Variants in FARP2 observed in about 807,000 individuals in gnomAD.
The protein encoded by FARP2 is FERM, ARHGEF and pleckstrin domain-containing protein 2.
In FARP2, 111 loss-of-function variants were observed where a neutral mutation model predicts 130.5. That is an observed-to-expected ratio of 0.85 (90% CI 0.73 to 1.00). The LOEUF is 1.00. Ranked by LOEUF, FARP2 falls within the 50% of genes least tolerant of loss-of-function variation. The probability of loss-of-function intolerance (pLI) is 0.00; values close to 1 mark genes in which losing one functional copy is unlikely to be tolerated. For synonymous variants in FARP2, 504 were observed against 516.9 expected (o/e 0.98, Z 0.34); for missense variants, 1,385 against 1,346.3 (o/e 1.03, Z -0.45).
At chr2:241,384,207 T>G (rs951603912) in intron 2 of FARP2, among the ~76,000 whole-genome samples, 1 of 152,064 alleles carries the variant, frequency 6.6e-6, no homozygotes, top group Non-Finnish European at 1.5e-5. Context: ...TTTAGACTGG[T>G]CATTAAAGAG....
Position 241,491,688 on chromosome 2 carries a change from G to GC in FARP2, c.2787+10dup. 6.3e-7 allele frequency: 1 copy of GC among 1,582,978 alleles called. No homozygotes were observed. Among genetic ancestry groups the GC allele is most frequent in the Non-Finnish European group, 8.6e-7 (1 of 1,162,100 alleles). On this transcript the variant is annotated intron_variant, in intron 24 of 26. Transcript: ENST00000264042. ...ACAGTGCAGCTGTCGAGGTACGACC[G>GC]CATGAGCACCACCTCAGTGCATCTG...
At chr2:241,470,350 G>T (rs1168353185) in intron 18 of FARP2, among the ~76,000 whole-genome samples, 1 of 152,192 alleles carries the variant, frequency 6.6e-6, no homozygotes, top group African/African-American at 2.4e-5. Context: ...CTGTTCTGAG[G>T]GGGACCCTTT....
chr2:241,440,219 A>C (rs1313857193), intron 12 of FARP2, among the ~76,000 whole-genome samples: 2 of 152,208 alleles, frequency 1.3e-5, no homozygotes, highest in African/African-American at 2.4e-5. Context: ...TATTGCACAA[A>C]AAGTTATTCA....
chr2:241,422,316 C>T (rs938544226), intron 8 of FARP2, among the ~76,000 whole-genome samples: 3 of 148,846 alleles, frequency 2.0e-5, no homozygotes, highest in African/African-American at 7.4e-5. Context: ...GGAGGGAGAA[C>T]TGCTTGAATC....
chr2:241,483,910 T>A lies in FARP2; in HGVS notation c.2332-332T>A, dbSNP rs1025334615. On this transcript the variant is annotated intron_variant, in intron 20 of 26. Coordinates refer to ENST00000264042, the MANE Select transcript of FARP2 (RefSeq NM_014808.4). ...GTTGGCTCAGAAGCCCCTCCCAGCA[T>A]GTCCTTGTTCCTACCAGTTAGTGGG... 21 of 985,376 alleles carry A rather than the reference T, an allele frequency of 2.1e-5. No homozygotes were observed. The African/African-American group carries it at 3.7e-4, about 17-fold the overall frequency. The allele number at this position is 985,376 out of a possible 1,614,324, so 61.0% of individuals were successfully genotyped here. A position where few individuals can be genotyped will look rare whatever the true frequency, so the allele number is the denominator to read the frequency against.
intron 19 of FARP2, 39 bp from the exon 20 acceptor site, chr2:241,483,426 C>T: frequency 3.2e-6 from 5 of 1,578,680 alleles, no homozygotes; most frequent in East Asian, 2.2e-5. Context: ...GCCAGCTGCC[C>T]TCAGCCCGCT....
chr2:241,452,809 C>T (rs1574852773), intron 13 of FARP2, among the ~76,000 whole-genome samples: 3 of 151,250 alleles, frequency 2.0e-5, no homozygotes, highest in East Asian at 1.9e-4. Context: ...GGCATGGTGG[C>T]GGGCATGTGT....
intron 21 of FARP2, among the ~76,000 whole-genome samples, chr2:241,487,358 G>A (rs914540437): frequency 2.0e-5 from 3 of 152,168 alleles, no homozygotes; most frequent in Admixed American, 1.3e-4. Context: ...CATTGTAAGA[G>A]GAAAATAGTA....
intron 2 of FARP2, among the ~76,000 whole-genome samples, chr2:241,397,759 T>C (rs1472816525): frequency 6.6e-6 from 1 of 152,088 alleles, no homozygotes; most frequent in Non-Finnish European, 1.5e-5. Flanking sequence ...CAGAGACTTT[T>C]GTAGAGAGGA....
At chr2:241,417,302 A>G (rs1169692032) in intron 7 of FARP2, among the ~76,000 whole-genome samples, 1 of 152,040 alleles carries the variant, frequency 6.6e-6, no homozygotes, top group Non-Finnish European at 1.5e-5. Flanking sequence ...CATCAAAAAA[A>G]AAAAAAGAAA....
chr2:241,445,907 C>T (rs1313839090), intron 13 of FARP2: 1 of 152,200 alleles, frequency 6.6e-6, no homozygotes, highest in Non-Finnish European at 1.5e-5. Flanking sequence ...ACCGTCATAG[C>T]CAGGTGTGTC....
Position 241,421,238 on chromosome 2 carries a change from C to T in FARP2, c.771+3129C>T, listed in dbSNP as rs766300276. Among the ~76,000 whole-genome samples, 10 of 152,224 alleles carry T rather than the reference C, an allele frequency of 6.6e-5. No individual in the cohort carries two copies. In the East Asian group the frequency reaches 1.7e-3, roughly 26 times the overall value. Reference sequence around the variant, plus strand: ...TGGGTCCAATACACAGAGTTGTGTTCAGTCTCAGCAGAGCAGCCACTGAGG... The same window carrying T: ...TGGGTCCAATACACAGAGTTGTGTTTAGTCTCAGCAGAGCAGCCACTGAGG... On this transcript the variant is annotated intron_variant, in intron 8 of 26. Coordinates refer to ENST00000264042, the MANE Select transcript of FARP2 (RefSeq NM_014808.4).
intron 1 of FARP2, among the ~76,000 whole-genome samples, chr2:241,367,109 T>G (rs1468002484): frequency 6.6e-6 from 1 of 152,110 alleles, no homozygotes. Context: ...TCCTCAGTGG[T>G]CAGCTCTGTG....
At chr2:241,436,705 A>G (rs898251633) in intron 12 of FARP2, among the ~76,000 whole-genome samples, 167 bp downstream of exon 12, 3 of 152,224 alleles carry the variant, frequency 2.0e-5, no homozygotes, top group African/African-American at 7.2e-5. Flanking sequence ...ATAGAAAGCC[A>G]GCAGGGCAGT....
At position 241,427,238 on chromosome 2, in the gene FARP2, AACAC is replaced by A. The variant is rs372290870; in HGVS notation, c.772-4429_772-4426del. Among the ~76,000 whole-genome samples the A allele has an allele frequency of 5.6e-3, 848 of 151,894 alleles. 4 individuals carry two copies. Among genetic ancestry groups the A allele is most frequent in the Middle Eastern group, 0.024 (7 of 294 alleles). Reference sequence around the variant, plus strand: ...CAACAAGAGCGAAACTCTGTCTCAAAACACACACACACACATATATGTGTCTGTG... The same window carrying A: ...CAACAAGAGCGAAACTCTGTCTCAAAACACACACACATATATGTGTCTGTG... On this transcript the variant is annotated intron_variant, in intron 8 of 26. Coordinates refer to ENST00000264042, the MANE Select transcript of FARP2 (RefSeq NM_014808.4).
intron 2 of FARP2, among the ~76,000 whole-genome samples, chr2:241,384,280 A>G (rs958095169): frequency 1.6e-4 from 25 of 152,204 alleles, no homozygotes; most frequent in African/African-American, 4.6e-4. Context: ...GGAATGTTCT[A>G]TGCACATGAA....
rs568671986 is a variant in FARP2 at position 241,396,625 on chromosome 2, C to T, written c.184-7203C>T. Among the ~76,000 whole-genome samples the T allele has an allele frequency of 5.8e-3, 882 of 152,260 alleles. 15 individuals carry two copies. Among genetic ancestry groups the T allele is most frequent in the African/African-American group, 0.02 (821 of 41,536 alleles). On this transcript the variant is annotated intron_variant, in intron 2 of 26. Transcript: ENST00000264042. ...CCATCAGAGAAATGCAAATCAAAAC[C>T]ACAATGAGATACCATCTCACACCAG...
intron 24 of FARP2, among the ~76,000 whole-genome samples, chr2:241,492,516 A>G (rs1317365686): frequency 1.3e-5 from 2 of 152,190 alleles, no homozygotes; most frequent in East Asian, 3.9e-4. Flanking sequence ...CAGATGCCAC[A>G]TGCTTAGGGA....
At chr2:241,400,189 A>G (rs1324556004) in intron 2 of FARP2, among the ~76,000 whole-genome samples, 1 of 151,768 alleles carries the variant, frequency 6.6e-6, no homozygotes, top group East Asian at 1.9e-4. Flanking sequence ...GGGAACCCTG[A>G]CCTCCCCATT....
Sources: allele counts gnomAD v4.1 joint callset (sites outside exome capture counted in the v4.1 genomes callset), GRCh38; gene constraint gnomAD v4.1.1; transcripts MANE v1.5; gene names NCBI Gene and HGNC (gene_info 2026-07-23, HGNC 2026-07-21).